Variants in ITGB8 observed in about 807,000 individuals in gnomAD.
The protein encoded by ITGB8 is integrin subunit beta 8, also known as integrin beta-8.
A neutral mutation model predicts 89.5 loss-of-function variants in ITGB8; 30 were observed. The observed-to-expected ratio is 0.34, with a 90% CI of 0.25 to 0.45. ITGB8 has a LOEUF of 0.45. Ranked by LOEUF, ITGB8 falls within the 20% of genes least tolerant of loss-of-function variation. The pLI is 1.00. For synonymous variants in ITGB8, 335 were observed against 320.4 expected, an observed-to-expected ratio of 1.05 and a Z score of -0.49; for missense variants, 836 against 933.3, an observed-to-expected ratio of 0.90 and a Z score of 1.36.
chr7:20,352,198 A>T (rs1785137223), intron 1 of ITGB8: 1 of 152,218 alleles, frequency 6.6e-6, no homozygotes, highest in African/African-American at 2.4e-5. Context: ...GAATCTGGAT[A>T]CTTTGATCCC....
Position 20,353,805 on chromosome 7 carries a change from G to A in ITGB8, c.128-9832G>A, listed in dbSNP as rs184768326. ...AAATTAGCCAGGCGTGGTGGCGCGC[G>A]CCTGTAGTCCCAGCTACACGGGAGG... is the stretch of plus-strand genomic sequence containing the variant. On this transcript the variant is annotated intron_variant, in intron 1 of 13. Coordinates refer to ENST00000222573, the MANE Select transcript of ITGB8 (RefSeq NM_002214.3). Among the ~76,000 whole-genome samples the A allele has an allele frequency of 7.2e-3, 1,076 of 149,992 alleles. 56 individuals are homozygous for A. Among genetic ancestry groups the A allele is most frequent in the African/African-American group, 0.026 (1,033 of 40,118 alleles).
intron 1 of ITGB8, among the ~76,000 whole-genome samples, chr7:20,339,805 A>T (rs1485485128): frequency 6.6e-6 from 1 of 152,152 alleles, no homozygotes; most frequent in Non-Finnish European, 1.5e-5. Flanking sequence ...AGGTGGGTGG[A>T]TCACCTGAAG....
At chr7:20,406,941 T>C (rs1787567654) in intron 12 of ITGB8, among the ~76,000 whole-genome samples, 1 of 152,130 alleles carries the variant, frequency 6.6e-6, no homozygotes, top group Non-Finnish European at 1.5e-5. Flanking sequence ...TTACATATTT[T>C]GTAAAAGCAG....
chr7:20,367,757 T>G (rs1321489293), intron 3 of ITGB8, among the ~76,000 whole-genome samples: 4 of 152,332 alleles, frequency 2.6e-5, no homozygotes, highest in Non-Finnish European at 4.4e-5. Flanking sequence ...TGATGGCCCC[T>G]GAGATTAGTA....
chr7:20,380,852 G>C, intron 5 of ITGB8, 21 bp downstream of exon 5: 2 of 1,582,772 alleles, frequency 1.3e-6, no homozygotes, highest in Non-Finnish European at 1.7e-6. Context: ...TCACATGATC[G>C]AGTGTTTGCT....
Position 20,331,758 on chromosome 7 carries a change from C to G in ITGB8, c.-49C>G. The G allele has an allele frequency of 1.3e-6, 2 of 1,579,704 alleles. No homozygotes were observed. ...GGTGCGCCCGGGAGGCGCGAGCCCG[C>G]GTCCGGAAGGCAGTCAGGCGGCGGG... is the stretch of plus-strand genomic sequence containing the variant. On this transcript the variant is annotated 5_prime_UTR_variant, in exon 1 of 14. Transcript: ENST00000222573.
At position 20,404,826 on chromosome 7, in the gene ITGB8, C is replaced by T; in HGVS notation, c.1886C>T (p.Thr629Ile). Residue 629 changes from threonine (T) to isoleucine (I), a missense_variant, in exon 11 of 14, where the codon ACC (threonine) becomes ATC (isoleucine). Coordinates refer to ENST00000222573, the MANE Select transcript of ITGB8 (RefSeq NM_002214.3). ...GGCCGCTTCTGTGAACACTGCCCCA[C>T]CTGTTATACAGCCTGCAAGGAAAAC... The part of the protein sequence containing the change: ...SIGRFCEHCP[T>I]CYTACKENWN... 1 of 1,614,156 alleles carries T rather than the reference C, an allele frequency of 6.2e-7. No homozygotes were observed. The highest frequency in any genetic ancestry group is 1.6e-4 in the Middle Eastern group (1 of 6,062).
intron 10 of ITGB8, among the ~76,000 whole-genome samples, chr7:20,402,593 A>G (rs1274377024): frequency 6.6e-6 from 1 of 152,200 alleles, no homozygotes; most frequent in Non-Finnish European, 1.5e-5. Flanking sequence ...TCCTTAATGC[A>G]TTATTATAAA....
At chr7:20,406,322 G>C in intron 12 of ITGB8, 151 bp downstream of exon 12, 1 of 572,026 alleles carries the variant, frequency 1.7e-6, no homozygotes, top group Non-Finnish European at 3.2e-6. Flanking sequence ...AGGCCAAGGC[G>C]GGTGGATCAC....
chr7:20,330,170 G>A (rs916002691), upstream of ITGB8, among the ~76,000 whole-genome samples: 4 of 152,194 alleles, frequency 2.6e-5, no homozygotes, highest in African/African-American at 9.7e-5. Context: ...GAGCAGAGAA[G>A]GAGCAGCGAG....
At chr7:20,363,471 T>A (rs1435005184) in intron 1 of ITGB8, among the ~76,000 whole-genome samples, 166 bp from the exon 2 acceptor site, 1 of 152,216 alleles carries the variant, frequency 6.6e-6, no homozygotes, top group African/African-American at 2.4e-5. Context: ...GCCGGTCGAC[T>A]CTTTCCAATA....
intron 1 of ITGB8, among the ~76,000 whole-genome samples, chr7:20,359,090 AT>A (rs1229340397): frequency 6.6e-6 from 1 of 152,002 alleles, no homozygotes; most frequent in Non-Finnish European, 1.5e-5. Flanking sequence ...CATGTACCAC[AT>A]TTTCTTTATC....
Position 20,381,588 on chromosome 7 carries a change from C to T in ITGB8, c.802-139C>T, listed in dbSNP as rs555933160. On this transcript the variant is annotated intron_variant, in intron 5 of 13. Coordinates refer to ENST00000222573, the MANE Select transcript of ITGB8 (RefSeq NM_002214.3). The stretch of plus-strand genomic sequence containing the variant: ...TACAAATAAAAGTTAAAGCTATTTA[C>T]GCAGCAGCGTTGTACCCACGCACAT... 27 of 576,578 alleles carry T rather than the reference C, an allele frequency of 4.7e-5. 1 individual carries two copies. The South Asian group carries it at 6.7e-4, about 14-fold the overall frequency. 35.7% of individuals were successfully genotyped at this position (576,578 alleles called of 1,614,324 possible). A position where few individuals can be genotyped will look rare whatever the true frequency, so the allele number is the denominator to read the frequency against.
chr7:20,378,513 G>C (rs1382542346), intron 3 of ITGB8, among the ~76,000 whole-genome samples: 2 of 152,158 alleles, frequency 1.3e-5, no homozygotes, highest in Non-Finnish European at 2.9e-5. Context: ...ATAGCTTGCT[G>C]TACTACACAG....
chr7:20,330,171 G>T (rs1784326260), upstream of ITGB8, among the ~76,000 whole-genome samples: 1 of 152,212 alleles, frequency 6.6e-6, no homozygotes, highest in East Asian at 1.9e-4. Flanking sequence ...AGCAGAGAAG[G>T]AGCAGCGAGA....
rs1456560354 is a variant in ITGB8 at position 20,331,519 on chromosome 7, T to C, written c.-288T>C. The stretch of plus-strand genomic sequence containing the variant: ...AGGCTGCGGAGCCCTTGCAGAGCCC[T>C]CTCTCCAGTCGCCGCCGGGGCCCTT... On this transcript the variant is annotated 5_prime_UTR_variant, in exon 1 of 14. Transcript: ENST00000222573. 6 of 437,588 alleles carry C rather than the reference T, an allele frequency of 1.4e-5. No individual in the cohort carries two copies. In the Admixed American group the frequency reaches 1.7e-4, roughly 13 times the overall value. 27.1% of individuals were successfully genotyped at this position (437,588 alleles called of 1,614,324 possible).
At chr7:20,347,092 A>C (rs1252957001) in intron 1 of ITGB8, among the ~76,000 whole-genome samples, 2 of 152,218 alleles carry the variant, frequency 1.3e-5, no homozygotes, top group Admixed American at 1.3e-4. Context: ...AGAAGGTGCC[A>C]CCTATGAGGA....
At chr7:20,346,789 G>A (rs1373276354) in intron 1 of ITGB8, 1 of 985,310 alleles carries the variant, frequency 1.0e-6, no homozygotes, top group Non-Finnish European at 1.2e-6. Context: ...TCCACAGGCA[G>A]AGAGGAGGCA....
chr7:20,390,347 C>T (rs1562691396), intron 6 of ITGB8, among the ~76,000 whole-genome samples: 1 of 152,192 alleles, frequency 6.6e-6, no homozygotes, highest in East Asian at 1.9e-4. Context: ...TAGCTATGAA[C>T]TTGTTATTCG....
Sources: allele counts gnomAD v4.1 joint callset (sites outside exome capture counted in the v4.1 genomes callset), GRCh38; gene constraint gnomAD v4.1.1; transcripts MANE v1.5; gene names NCBI Gene and HGNC (gene_info 2026-07-23, HGNC 2026-07-21).